RFTN2: variants seen among roughly 807,000 people sequenced by gnomAD.
RFTN2 encodes the protein raftlin family member 2.
RFTN2 carries 34 observed loss-of-function variants against 52.7 expected under a neutral mutation model. The ratio of observed to expected loss-of-function variants is 0.64; its 90% confidence interval spans 0.49 to 0.86. The LOEUF (loss-of-function observed/expected upper bound fraction) is 0.86. Among genes scored for constraint, RFTN2 ranks in the 40% least tolerant of loss-of-function variants. The probability of loss-of-function intolerance (pLI) is 0.00; values close to 1 mark genes in which losing one functional copy is unlikely to be tolerated. For missense variants in RFTN2, 536 were observed against 600.1 expected (o/e 0.89, Z 1.12); for synonymous variants, 203 against 217.7 (o/e 0.93, Z 0.59).
intron 1 of RFTN2, among the ~76,000 whole-genome samples, chr2:197,655,738 C>T (rs963407813): frequency 4.6e-5 from 7 of 152,132 alleles, no homozygotes; most frequent in East Asian, 1.9e-4. Flanking sequence ...GCAGGAGAAT[C>T]GCTTGAACCT....
At chr2:197,585,758 T>C (rs2087586199) in intron 8 of RFTN2, among the ~76,000 whole-genome samples, 1 of 152,124 alleles carries the variant, frequency 6.6e-6, no homozygotes, top group African/African-American at 2.4e-5. Flanking sequence ...TTAACAGCCC[T>C]CACCTTTACC....
intron 1 of RFTN2, among the ~76,000 whole-genome samples, chr2:197,670,100 G>T (rs1364982845): frequency 6.6e-6 from 1 of 152,162 alleles, no homozygotes; most frequent in Non-Finnish European, 1.5e-5. Context: ...ACTGCAGTGT[G>T]CTAAGAGTTG....
intron 7 of RFTN2, among the ~76,000 whole-genome samples, chr2:197,602,785 G>A (rs550986139): frequency 8.5e-5 from 13 of 152,248 alleles, no homozygotes; most frequent in African/African-American, 3.1e-4. Context: ...TATGTTTATC[G>A]CGGCACTATT....
chr2:197,650,034 A>C (rs2088803380), intron 1 of RFTN2, among the ~76,000 whole-genome samples: 1 of 152,112 alleles, frequency 6.6e-6, no homozygotes, highest in Non-Finnish European at 1.5e-5. Flanking sequence ...ATGTCACTGA[A>C]CTGTACACTT....
intron 7 of RFTN2, among the ~76,000 whole-genome samples, chr2:197,602,908 T>C (rs1031137627): frequency 6.6e-6 from 1 of 152,058 alleles, no homozygotes; most frequent in Non-Finnish European, 1.5e-5. Flanking sequence ...AAATGATGAG[T>C]TCATGTTCTT....
intron 7 of RFTN2, among the ~76,000 whole-genome samples, chr2:197,608,742 C>G (rs561996952): frequency 6.7e-6 from 1 of 149,598 alleles, no homozygotes; most frequent in African/African-American, 2.5e-5. Context: ...GTCAAATCAT[C>G]ATTTACATTA....
intron 3 of RFTN2, among the ~76,000 whole-genome samples, chr2:197,636,817 C>T (rs889124419): frequency 3.4e-4 from 50 of 148,686 alleles, no homozygotes; most frequent in Admixed American, 4.0e-4. Flanking sequence ...TGTCTTGTGC[C>T]AGTTTTCAAA....
At chr2:197,618,690 T>G (rs1248824823) in intron 5 of RFTN2, among the ~76,000 whole-genome samples, 2 of 149,854 alleles carry the variant, frequency 1.3e-5, no homozygotes, top group Admixed American at 1.3e-4. Context: ...GGAGCGTCTC[T>G]GCCCGGCCGC....
At chr2:197,649,724 G>C (rs894743857) in intron 1 of RFTN2, among the ~76,000 whole-genome samples, 3 of 152,144 alleles carry the variant, frequency 2.0e-5, no homozygotes, top group African/African-American at 7.2e-5. Context: ...CTTTGGGTTA[G>C]ACTTCAGGGA....
chr2:197,631,325 C>T, intron 4 of RFTN2, 105 bp from the exon 5 acceptor site: 2 of 822,126 alleles, frequency 2.4e-6, no homozygotes, highest in Non-Finnish European at 4.1e-6. Flanking sequence ...CAAACAAGCA[C>T]TCAGCTTAAT....
At chr2:197,620,835 G>A (rs576195598) in intron 5 of RFTN2, among the ~76,000 whole-genome samples, 4 of 152,228 alleles carry the variant, frequency 2.6e-5, no homozygotes, top group Admixed American at 1.3e-4. Context: ...GCATGGTGGC[G>A]CATGCCTGTA....
In RFTN2 at chr2:197,626,784, C is replaced by T. The variant is rs545001044; in HGVS notation, c.928+4227G>A. ...TAGGCGCCCGCCACCACATCCAGCA[C>T]ATTTTTTGTATTTTTAGTAGAGACG... is the stretch of plus-strand genomic sequence containing the variant. On this transcript the variant is annotated intron_variant, in intron 5 of 8. Coordinates refer to ENST00000295049, the MANE Select transcript of RFTN2 (RefSeq NM_144629.3). Among the ~76,000 whole-genome samples, 157 of 151,704 alleles carry T rather than the reference C, an allele frequency of 1.0e-3. 3 individuals carry two copies. The highest frequency in any genetic ancestry group is 8.5e-3 in the South Asian group (41 of 4,796).
chr2:197,643,682 ATTC>A (rs2088706555), intron 3 of RFTN2, among the ~76,000 whole-genome samples: 1 of 151,938 alleles, frequency 6.6e-6, no homozygotes, highest in Non-Finnish European at 1.5e-5. Context: ...TTTCTCTTTG[ATTC>A]TTCTTTTTTA....
chr2:197,594,716 A>G (rs1361685703), intron 8 of RFTN2, among the ~76,000 whole-genome samples: 1 of 152,118 alleles, frequency 6.6e-6, no homozygotes, highest in Non-Finnish European at 1.5e-5. Flanking sequence ...GTGGGCTTTA[A>G]TGTGGTTTCT....
At chr2:197,620,906 C>T (rs1007264303) in intron 5 of RFTN2, among the ~76,000 whole-genome samples, 3 of 152,134 alleles carry the variant, frequency 2.0e-5, no homozygotes, top group Non-Finnish European at 2.9e-5. Context: ...GGGGAGATTG[C>T]GGTGAGCCGA....
intron 5 of RFTN2, among the ~76,000 whole-genome samples, chr2:197,618,967 C>A (rs549421362): frequency 6.6e-6 from 1 of 151,502 alleles, no homozygotes; most frequent in Non-Finnish European, 1.5e-5. Flanking sequence ...GGGGGTCAGC[C>A]CCCCGCCCGG....
intron 3 of RFTN2, among the ~76,000 whole-genome samples, chr2:197,642,476 CTT>C (rs1293785976): frequency 6.6e-6 from 1 of 152,110 alleles, no homozygotes; most frequent in Non-Finnish European, 1.5e-5. Flanking sequence ...ATTGTATAGA[CTT>C]TTCTCTCTTG....
At chr2:197,593,607 G>C (rs2087750383) in intron 8 of RFTN2, among the ~76,000 whole-genome samples, 1 of 151,986 alleles carries the variant, frequency 6.6e-6, no homozygotes, top group Non-Finnish European at 1.5e-5. Flanking sequence ...GAAAGAAAGA[G>C]GCCAGGTGTG....
In RFTN2 at chr2:197,617,860, A is replaced by G; in HGVS notation, c.990T>C (p.Val330=). 3 of 1,609,104 alleles carry G rather than the reference A, an allele frequency of 1.9e-6. No individual in the cohort carries two copies. The highest frequency in any genetic ancestry group is 1.1e-5 in the South Asian group (1 of 90,936). Residue 330 remains valine (V), a synonymous_variant, in exon 6 of 9, where the codon GTT becomes GTC. Transcript: ENST00000295049. ...FFIYEEEGSG[V]PGSSRKGNDA... ...CATTTCCTTTCCTACTAGAACCTGG[A>G]ACTCCAGAACCTTCTTCTTCATAGA...
Sources: gnomAD v4.1 joint callset for allele counts (sites outside exome capture counted in the v4.1 genomes callset) on GRCh38, gnomAD v4.1.1 for gene constraint, MANE v1.5 for transcripts, NCBI Gene and HGNC (gene_info 2026-07-23, HGNC 2026-07-21) for gene names.